Variants in MTA3 observed in about 807,000 individuals in gnomAD.
MTA3 encodes the protein metastasis associated 1 family member 3.
A neutral mutation model predicts 83.5 loss-of-function variants in MTA3; 34 were observed. The ratio of observed to expected loss-of-function variants is 0.41; its 90% CI spans 0.31 to 0.54. MTA3 has a LOEUF of 0.54. MTA3 is among the 20% of genes least tolerant of loss of function. MTA3 has a pLI of 0.33. For missense variants in MTA3, 761 were observed against 726.4 expected (o/e 1.05, Z -0.55); for synonymous variants, 303 against 252.7 (o/e 1.20, Z -1.89).
chr2:42,507,514 T>G (rs981554428), intron 2 of MTA3, among the ~76,000 whole-genome samples: 2 of 152,136 alleles, frequency 1.3e-5, no homozygotes, highest in African/African-American at 2.4e-5. Context: ...GAGTGGTTAT[T>G]TCTTGGTCGA....
intron 3 of MTA3, among the ~76,000 whole-genome samples, chr2:42,600,285 T>G (rs1682400873): frequency 6.6e-6 from 1 of 152,112 alleles, no homozygotes; most frequent in African/African-American, 2.4e-5. Flanking sequence ...GCAACAGGAT[T>G]AGAAGAAATT....
intron 2 of MTA3, among the ~76,000 whole-genome samples, chr2:42,577,101 A>ATAT (rs1160807071): frequency 4.1e-5 from 3 of 72,736 alleles, no homozygotes; most frequent in African/African-American, 1.9e-4. Context: ...TAAAAAAAAA[A>ATAT]AAAAATATAT....
At chr2:42,660,113 G>A (rs1298977132) in intron 8 of MTA3, among the ~76,000 whole-genome samples, 1 of 150,388 alleles carries the variant, frequency 6.6e-6, no homozygotes. Context: ...ATTTGGAGAT[G>A]GAGTCTTGCT....
intron 4 of MTA3, among the ~76,000 whole-genome samples, chr2:42,634,389 T>C (rs1686985835): frequency 6.6e-6 from 1 of 152,292 alleles, no homozygotes; most frequent in Middle Eastern, 3.4e-3. Flanking sequence ...TCTGCATGGC[T>C]GGGGAAGACT....
intron 3 of MTA3, among the ~76,000 whole-genome samples, chr2:42,603,122 T>G (rs1382592514): frequency 1.3e-5 from 2 of 151,844 alleles, no homozygotes; most frequent in African/African-American, 2.4e-5. Flanking sequence ...TTTTTTTTTT[T>G]TTTGCTGGGG....
intron 3 of MTA3, among the ~76,000 whole-genome samples, chr2:42,585,242 C>T (rs1257403943): frequency 6.6e-6 from 1 of 151,868 alleles, no homozygotes; most frequent in Non-Finnish European, 1.5e-5. Flanking sequence ...GCATGTGCTA[C>T]CACACCTGGC....
At chr2:42,695,178 T>TA (rs1388091075) in intron 9 of MTA3, among the ~76,000 whole-genome samples, 1 of 152,100 alleles carries the variant, frequency 6.6e-6, no homozygotes, top group East Asian at 1.9e-4. Flanking sequence ...TAATTTTTAG[T>TA]AAAATGTATA....
chr2:42,542,924 A>G (rs1416501614), intron 2 of MTA3, among the ~76,000 whole-genome samples: 1 of 152,084 alleles, frequency 6.6e-6, no homozygotes, highest in East Asian at 1.9e-4. Context: ...TATCCTTCAT[A>G]CAACCAGAAA....
At chr2:42,658,162 A>G (rs1689344626) in intron 7 of MTA3, among the ~76,000 whole-genome samples, 1 of 151,994 alleles carries the variant, frequency 6.6e-6, no homozygotes, top group Admixed American at 6.5e-5. Flanking sequence ...CAGAATGGTT[A>G]AAATTTTAAA....
chr2:42,526,131 C>G (rs372792384), intron 2 of MTA3, among the ~76,000 whole-genome samples: 3 of 152,290 alleles, frequency 2.0e-5, no homozygotes, highest in African/African-American at 4.8e-5. Flanking sequence ...TAACAATGCT[C>G]TAATCCCAAG....
intron 16 of MTA3, among the ~76,000 whole-genome samples, chr2:42,724,653 C>T (rs1173350460): frequency 6.6e-6 from 1 of 152,040 alleles, no homozygotes; most frequent in Non-Finnish European, 1.5e-5. Flanking sequence ...CACACACACA[C>T]ACACGACTGT....
rs576638649 is a variant in MTA3, at chr2:42,753,484, C to G, written c.*85C>G. ...GCCGTGCCTGGGAAGAAGGCAGCCC[C>G]ACTCCCAGTACATTTCAGTGGGAGA... On this transcript the variant is annotated 3_prime_UTR_variant, in exon 17 of 17. Coordinates refer to ENST00000405094, the MANE Select transcript of MTA3 (RefSeq NM_001330442.2). The G allele has an allele frequency of 6.5e-7, 1 of 1,547,390 alleles. No homozygotes were observed. The highest frequency in any genetic ancestry group is 2.4e-5 in the East Asian group (1 of 40,874).
chr2:42,557,252 C>T (rs1232169760), intron 2 of MTA3, among the ~76,000 whole-genome samples: 1 of 150,918 alleles, frequency 6.6e-6, no homozygotes, highest in Non-Finnish European at 1.5e-5. Flanking sequence ...GCACTCCAGC[C>T]TGGGCAACAG....
intron 8 of MTA3, among the ~76,000 whole-genome samples, chr2:42,660,154 TCTC>T (rs1164938874): frequency 6.6e-6 from 1 of 152,048 alleles, no homozygotes; most frequent in African/African-American, 2.4e-5. Context: ...AGTGGCATGA[TCTC>T]AGCTCACTGC....
intron 2 of MTA3, among the ~76,000 whole-genome samples, chr2:42,504,437 C>G (rs1193054564): frequency 5.3e-5 from 8 of 152,216 alleles, no homozygotes; most frequent in African/African-American, 1.9e-4. Context: ...GATGGCGTTT[C>G]GCCATGTTGA....
intron 6 of MTA3, among the ~76,000 whole-genome samples, chr2:42,648,354 C>A (rs1402484773): frequency 6.6e-6 from 1 of 152,166 alleles, no homozygotes; most frequent in African/African-American, 2.4e-5. Flanking sequence ...TTCTTCCTAA[C>A]CCTTTTAGTA....
At chr2:42,731,624 G>C (rs1205927795) in intron 16 of MTA3, among the ~76,000 whole-genome samples, 2 of 152,070 alleles carry the variant, frequency 1.3e-5, no homozygotes, top group African/African-American at 4.8e-5. Flanking sequence ...GGAATTCTGG[G>C]AGATACAATT....
At chr2:42,595,705 G>A (rs1184438781) in intron 3 of MTA3, among the ~76,000 whole-genome samples, 2 of 151,788 alleles carry the variant, frequency 1.3e-5, no homozygotes. Flanking sequence ...CGGTATTTGG[G>A]TATATATATA....
intron 4 of MTA3, among the ~76,000 whole-genome samples, chr2:42,627,118 C>T (rs1367623570): frequency 1.3e-5 from 2 of 151,828 alleles, no homozygotes; most frequent in Non-Finnish European, 2.9e-5. Context: ...TCTCTGTTTT[C>T]TAGGCTGGAG....
Sources: allele counts gnomAD v4.1 joint callset (sites outside exome capture counted in the v4.1 genomes callset), GRCh38; gene constraint gnomAD v4.1.1; transcripts MANE v1.5; gene names NCBI Gene and HGNC (gene_info 2026-07-23, HGNC 2026-07-21).